The following PDE4DIP variants were observed in gnomAD, a reference collection of about 807,000 sequenced individuals.
PDE4DIP encodes the protein phosphodiesterase 4D interacting protein.
A neutral mutation model predicts 221.4 loss-of-function variants in PDE4DIP; 59 were observed. That is an observed-to-expected ratio of 0.27 (90% CI 0.22 to 0.33). PDE4DIP has a LOEUF of 0.33. Ranked by LOEUF, PDE4DIP falls within the 10% of genes least tolerant of loss-of-function variation. The pLI, the probability that PDE4DIP is intolerant of heterozygous loss-of-function variation, is 1.00. For missense variants in PDE4DIP, 1,036 were observed against 2,154.2 expected (o/e 0.48, Z 10.28); for synonymous variants, 404 against 815.9 (o/e 0.50, Z 8.60).
intron 1 of PDE4DIP, 22 bp from the exon 5 acceptor site, chr1:148,929,175 T>C (rs1207075471): frequency 6.2e-7 from 1 of 1,612,854 alleles, no homozygotes; most frequent in Non-Finnish European, 8.5e-7. Flanking sequence ...TTAATAACGA[T>C]TAATGCCTGT....
At chr1:148,827,776 G>A (rs1362860268) in intron 1 of PDE4DIP, among the ~76,000 whole-genome samples, 2 of 101,210 alleles carry the variant, frequency 2.0e-5, no homozygotes, top group African/African-American at 6.1e-5. Context: ...TGAAGCAATT[G>A]AAAGATTTAC....
intron 22 of PDE4DIP, among the ~76,000 whole-genome samples, chr1:148,994,224 TA>T (rs1435302173): frequency 1.3e-5 from 2 of 151,452 alleles, no homozygotes; most frequent in African/African-American, 4.9e-5. Context: ...AGATCTATAA[TA>T]AATACCTATG....
At chr1:148,965,576 T>G in exon 10 of PDE4DIP, 1 of 1,277,338 alleles carries the variant, frequency 7.8e-7, no homozygotes, top group Non-Finnish European at 1.1e-6. Context: ...ACAATGAGAT[T>G]CGAACCCAGG....
intron 35 of PDE4DIP, 29 bp from the exon 39 acceptor site, chr1:149,020,118 A>G (rs373967916): frequency 3.3e-5 from 14 of 425,262 alleles, no homozygotes; most frequent in Middle Eastern, 6.3e-4. Context: ...CCCCATGATA[A>G]TAAATCAATC....
chr1:149,017,867 G>C (rs781988554), exon 34 of PDE4DIP: 2 of 1,613,224 alleles, frequency 1.2e-6, no homozygotes, highest in Non-Finnish European at 8.5e-7. Flanking sequence ...GACCTCTACT[G>C]CTCGTGGAAG....
intron 37 of PDE4DIP, among the ~76,000 whole-genome samples, chr1:149,023,565 GTA>G (rs1226454311): frequency 2.7e-5 from 4 of 145,840 alleles, no homozygotes; most frequent in Non-Finnish European, 4.5e-5. Context: ...ATATGTGCAT[GTA>G]TATATATGTG....
chr1:148,975,127 T>C (rs1318292761), intron 17 of PDE4DIP, among the ~76,000 whole-genome samples: 21 of 147,824 alleles, frequency 1.4e-4, no homozygotes, highest in Admixed American at 1.1e-3. Context: ...GCTGAGATCG[T>C]GCCATCACAC....
At chr1:148,828,843 TA>T (rs1671272230) in intron 1 of PDE4DIP, among the ~76,000 whole-genome samples, 1 of 151,290 alleles carries the variant, frequency 6.6e-6, no homozygotes, top group South Asian at 2.1e-4. Flanking sequence ...AGGTTTTTGT[TA>T]TGGCTGACAG....
chr1:149,028,185 C>G (rs2075720260), intron 40 of PDE4DIP, among the ~76,000 whole-genome samples: 1 of 151,758 alleles, frequency 6.6e-6, no homozygotes, highest in Non-Finnish European at 1.5e-5. Flanking sequence ...ACGGAGCCCC[C>G]ACACTAGAGG....
chr1:148,960,135 T>A (rs1357555605), intron 5 of PDE4DIP, among the ~76,000 whole-genome samples: 3 of 152,306 alleles, frequency 2.0e-5, no homozygotes, highest in Non-Finnish European at 4.4e-5. Context: ...ATTATCAAAT[T>A]TAGAAAATTA....
At chr1:148,950,748 C>A (rs1436335856) in intron 5 of PDE4DIP, among the ~76,000 whole-genome samples, 1 of 151,570 alleles carries the variant, frequency 6.6e-6, no homozygotes, top group South Asian at 2.1e-4. Context: ...GATCTGCCCC[C>A]CCCACCGCCC....
rs1210035470 is a variant in PDE4DIP, at chr1:148,925,570, C to T, written c.142-3627C>T. On this transcript the variant is annotated intron_variant, in intron 1 of 43. Coordinates refer to ENST00000369354, the Ensembl canonical transcript of PDE4DIP. The stretch of plus-strand genomic sequence containing the variant: ...TCAGTAGGATTTAGAACAGATAGAA[C>T]GTACTAATTTATGTCCTCTGTTTTT... Among the ~76,000 whole-genome samples the T allele has an allele frequency of 4.0e-5, 6 of 149,866 alleles. No homozygotes were observed. In the South Asian group the frequency reaches 6.4e-4, roughly 16 times the overall value.
At chr1:148,954,010 AAATT>A in intron 5 of PDE4DIP, 1 of 712,540 alleles carries the variant, frequency 1.4e-6, no homozygotes, top group South Asian at 1.7e-5. Flanking sequence ...GGACTTGAGA[AAATT>A]AGTCATGACC....
chr1:148,996,858 G>C (rs1287788610), intron 22 of PDE4DIP, among the ~76,000 whole-genome samples: 1 of 152,330 alleles, frequency 6.6e-6, no homozygotes. Flanking sequence ...CCAATCACTT[G>C]TAGTGGGGGC....
Position 148,981,306 on chromosome 1 carries a change from A to AGG in PDE4DIP, c.2727_2728dup (p.Ala910GlyfsTer9). ...ACCGAACTCTGCAGGTGGAACTGGA[A>AGG]GGGGCTCAGGTGTTACGCAGTCGGC... On this transcript the variant is annotated frameshift_variant, in exon 21 of 44. Coordinates refer to ENST00000369354, the Ensembl canonical transcript of PDE4DIP. LOFTEE classifies it high-confidence loss of function. 1 of 1,613,914 alleles carries AGG rather than the reference A, an allele frequency of 6.2e-7. No individual in the cohort carries two copies. Among genetic ancestry groups the AGG allele is most frequent in the Non-Finnish European group, 8.5e-7 (1 of 1,179,974 alleles).
exon 44 of PDE4DIP, chr1:149,032,069 G>T (rs782508958): frequency 5.0e-6 from 8 of 1,609,248 alleles, no homozygotes; most frequent in Non-Finnish European, 6.8e-6. Context: ...TCCCCCTTTT[G>T]TGCAGCTACC....
intron 1 of PDE4DIP, among the ~76,000 whole-genome samples, chr1:148,919,484 T>C (rs1553460717): frequency 6.6e-6 from 1 of 151,454 alleles, no homozygotes; most frequent in African/African-American, 2.5e-5. Context: ...TTTCTGGGGA[T>C]CCTGCAATGA....
chr1:148,951,636 A>G (rs2053278995), intron 5 of PDE4DIP, among the ~76,000 whole-genome samples: 1 of 151,244 alleles, frequency 6.6e-6, no homozygotes, highest in Admixed American at 6.6e-5. Flanking sequence ...AATGGTGGTA[A>G]TCTACTCGCG....
chr1:148,951,684 C>T (rs587611871), intron 5 of PDE4DIP, among the ~76,000 whole-genome samples: 147 of 152,344 alleles, frequency 9.6e-4, no homozygotes, highest in African/African-American at 3.4e-3. Context: ...TTCTCTTCTA[C>T]TATCTTCAAG....
Sources: gnomAD v4.1 joint callset for allele counts (sites outside exome capture counted in the v4.1 genomes callset) on GRCh38, gnomAD v4.1.1 for gene constraint, MANE v1.5 for transcripts, NCBI Gene and HGNC (gene_info 2026-07-23, HGNC 2026-07-21) for gene names.